CELSR1: variants seen among roughly 807,000 people sequenced by gnomAD.
CELSR1 encodes the protein adhesion G protein-coupled receptor C1.
In CELSR1, 110 loss-of-function variants were observed where a neutral mutation model predicts 249.1. That is an observed-to-expected ratio of 0.44 (90% CI 0.38 to 0.52). CELSR1 has a LOEUF of 0.52. Ranked by LOEUF, CELSR1 falls within the 20% of genes least tolerant of loss-of-function variation. CELSR1 has a pLI of 0.00. For synonymous variants in CELSR1, 2,113 were observed against 1,900.0 expected (o/e 1.11, Z -2.92); for missense variants, 4,109 against 4,296.4 (o/e 0.96, Z 1.22).
At chr22:46,474,130 G>A (rs2080183196) in intron 1 of CELSR1, among the ~76,000 whole-genome samples, 1 of 152,190 alleles carries the variant, frequency 6.6e-6, no homozygotes, top group African/African-American at 2.4e-5. Flanking sequence ...CGATGCCTCG[G>A]GAACAAAGTC....
At chr22:46,478,443 T>C (rs1336967105) in intron 1 of CELSR1, among the ~76,000 whole-genome samples, 1 of 152,120 alleles carries the variant, frequency 6.6e-6, no homozygotes, top group Non-Finnish European at 1.5e-5. Flanking sequence ...AGCATGACAA[T>C]GCGGCCCTGA....
chr22:46,369,691 C>A lies in CELSR1; in HGVS notation c.7872+1G>T. On this transcript the variant is annotated splice_donor_variant, in intron 26 of 34. Transcript: ENST00000674500. LOFTEE classifies it high-confidence loss of function. The stretch of plus-strand genomic sequence containing the variant: ...GACTCCCGTGAAGGCCCCACACTCA[C>A]GATTATAACAGCTCCGATGGGCCCC... The A allele has an allele frequency of 6.2e-7, 1 of 1,613,032 alleles. No individual in the cohort carries two copies. Among genetic ancestry groups the A allele is most frequent in the Non-Finnish European group, 8.5e-7 (1 of 1,179,612 alleles).
intron 2 of CELSR1, among the ~76,000 whole-genome samples, chr22:46,439,814 T>C (rs1488807651): frequency 6.6e-6 from 1 of 152,072 alleles, no homozygotes; most frequent in African/African-American, 2.4e-5. Context: ...CCCACACCTA[T>C]GCCCGTGCCA....
chr22:46,516,734 G>A (rs890578240), intron 1 of CELSR1, among the ~76,000 whole-genome samples: 11 of 152,004 alleles, frequency 7.2e-5, no homozygotes, highest in East Asian at 1.9e-4. Flanking sequence ...CCGGCCCAAC[G>A]GACCACAAAG....
At chr22:46,457,591 T>C (rs750932652) in intron 2 of CELSR1, among the ~76,000 whole-genome samples, 3 of 152,052 alleles carry the variant, frequency 2.0e-5, no homozygotes, top group Non-Finnish European at 2.9e-5. Flanking sequence ...ATGCGCCCCA[T>C]GGGAAGACGA....
chr22:46,369,165 T>G lies in CELSR1; in HGVS notation c.7952+14A>C. 1 of 1,613,414 alleles carries G rather than the reference T, an allele frequency of 6.2e-7. No homozygotes were observed. The highest frequency in any genetic ancestry group is 2.2e-5 in the East Asian group (1 of 44,866). On this transcript the variant is annotated intron_variant, in intron 27 of 34. Coordinates refer to ENST00000674500, the MANE Select transcript of CELSR1 (RefSeq NM_001378328.1). The stretch of plus-strand genomic sequence containing the variant: ...AGCCGACATGGCTGGCCGGTCAGGT[T>G]CAGCCCCACTTACACGATCCCTTTT...
At chr22:46,461,008 G>A (rs1468337950) in intron 2 of CELSR1, among the ~76,000 whole-genome samples, 3 of 152,190 alleles carry the variant, frequency 2.0e-5, no homozygotes, top group Non-Finnish European at 4.4e-5. Context: ...AGCCACTTGG[G>A]CCGATTCCAA....
In CELSR1 at chr22:46,364,637, T is replaced by C. The variant is rs767807895; in HGVS notation, c.8654A>G (p.Glu2885Gly). ...DPSGKPRLKVETKVSVELHRE... is the reference protein window; with the variant it reads ...DPSGKPRLKVGTKVSVELHRE... ...GTGCAGCTCCACGCTGACCTTGGTC[T>C]CCACCTTCAGGCGGGGCTTGCCGCT... The change falls in exon 33 of 35, where the codon GAG becomes GGG. Residue 2885 changes from glutamate (E) to glycine (G), a missense_variant. Coordinates refer to ENST00000674500, the MANE Select transcript of CELSR1 (RefSeq NM_001378328.1). 4.5e-5 allele frequency: 73 copies of C among 1,612,580 alleles called. No individual in the cohort carries two copies. Among genetic ancestry groups the C allele is most frequent in the Non-Finnish European group, 5.7e-5 (67 of 1,179,922 alleles).
In CELSR1 at chr22:46,464,606, G is replaced by A. The variant is rs923928145; in HGVS notation, c.3545-261C>T. Among the ~76,000 whole-genome samples, 4 of 151,794 alleles carry A rather than the reference G, an allele frequency of 2.6e-5. No individual in the cohort carries two copies. Among genetic ancestry groups the A allele is most frequent in the South Asian group, 2.1e-4 (1 of 4,802 alleles). On this transcript the variant is annotated intron_variant, in intron 1 of 34. Transcript: ENST00000674500. This position sits in a 1 kb window ranked among gnomAD's most constrained non-coding sequence, Gnocchi z 8.5. ...CCCTGGCTTCCTAAAGCACAGCTCC[G>A]ATCACATCTTTCTCTGGCTCCGAAT...
In CELSR1 at chr22:46,433,468, C is replaced by A. The variant is rs202017473; in HGVS notation, c.4536G>T (p.Thr1512=). 2 of 1,613,902 alleles carry A rather than the reference C, an allele frequency of 1.2e-6. No individual in the cohort carries two copies. The highest frequency in any genetic ancestry group is 1.1e-5 in the South Asian group (1 of 91,038). The change falls in exon 5 of 35, where the codon ACG becomes ACT. Residue 1512 remains threonine, a synonymous_variant. Transcript: ENST00000674500. This position sits in a 1 kb window ranked among gnomAD's most constrained non-coding sequence, Gnocchi z 5.7. ...CACTGGGAACCTTCGGTGCCACGGT[C>A]GTTGTTGTCTCGCCTGCATGGTGGG... is the stretch of plus-strand genomic sequence containing the variant. ...QLTFSAGETT[T]TVAPKVPSGV...
At chr22:46,491,194 C>CAT (rs57470786) in intron 1 of CELSR1, among the ~76,000 whole-genome samples, 83,428 of 150,744 alleles carry the variant, frequency 0.55, 24,183 homozygotes, top group African/African-American at 0.73. Context: ...GACATGGCCA[C>CAT]GTCTCCTAGG....
chr22:46,480,398 C>T (rs5768808), intron 1 of CELSR1, among the ~76,000 whole-genome samples: 1 of 152,188 alleles, frequency 6.6e-6, no homozygotes, highest in African/African-American at 2.4e-5. Flanking sequence ...TTTCAAAGTT[C>T]TTATCCAAAT....
Position 46,436,394 on chromosome 22 carries a change from G to T in CELSR1, c.4407-105C>A. 1 of 720,028 alleles carries T rather than the reference G, an allele frequency of 1.4e-6. No individual in the cohort carries two copies. The allele number at this position is 720,028 out of a possible 1,614,324, so 44.6% of individuals were successfully genotyped here. A position where few individuals can be genotyped will look rare whatever the true frequency, so the allele number is the denominator to read the frequency against. On this transcript the variant is annotated intron_variant, in intron 3 of 34. Transcript: ENST00000674500. This position sits in a 1 kb window ranked among gnomAD's most constrained non-coding sequence, Gnocchi z 5.9. ...GAGGAGGGCAAGCACGTGGGGCTAC[G>T]ATTCAGGAAAGAATGGTGTCAGGCA...
chr22:46,472,063 G>T lies in CELSR1; in HGVS notation c.3545-7718C>A, dbSNP rs1376476992. 2.6e-5 allele frequency among the ~76,000 whole-genome samples: 4 copies of T among 152,164 alleles called. No individual in the cohort carries two copies. ...TCCAGGCATTCCTCCCAGGCCTGGAGCGGCTCCGCGGCACCTCAAAAGCGA... is the reference window on the plus strand; with the variant it reads ...TCCAGGCATTCCTCCCAGGCCTGGATCGGCTCCGCGGCACCTCAAAAGCGA... On this transcript the variant is annotated intron_variant, in intron 1 of 34. Coordinates refer to ENST00000674500, the MANE Select transcript of CELSR1 (RefSeq NM_001378328.1). This position sits in a 1 kb window ranked among gnomAD's most constrained non-coding sequence, Gnocchi z 7.0.
Position 46,363,562 on chromosome 22 carries a change from T to C in CELSR1, c.9036-315A>G, listed in dbSNP as rs1452799100. 2.9e-6 allele frequency: 1 copy of C among 345,136 alleles called. No individual in the cohort carries two copies. 21.4% of individuals were successfully genotyped at this position (345,136 alleles called of 1,614,324 possible). A position where few individuals can be genotyped will look rare whatever the true frequency, so the allele number is the denominator to read the frequency against. On this transcript the variant is annotated intron_variant, in intron 34 of 34. Coordinates refer to ENST00000674500, the MANE Select transcript of CELSR1 (RefSeq NM_001378328.1). The surrounding 1 kb of genome is among the most constrained non-coding windows in gnomAD (Gnocchi z 4.3). ...AGACCTGGCTTCTCCCTTGTGAGTT[T>C]GGAGGGAGGGAGGGGCGACAGGGAG...
Position 46,374,316 on chromosome 22 carries a change from AC to A in CELSR1, c.7585-1260del, listed in dbSNP as rs2078893947. Among the ~76,000 whole-genome samples the A allele has an allele frequency of 2.0e-5, 3 of 152,310 alleles. No individual in the cohort carries two copies. Among genetic ancestry groups the A allele is most frequent in the African/African-American group, 7.2e-5 (3 of 41,562 alleles). ...AAACCCACGAAACCACCTTTTGAAA[AC>A]AAAGTGCGAGGGCTGTGCCATCCTG... is the stretch of plus-strand genomic sequence containing the variant. On this transcript the variant is annotated intron_variant, in intron 24 of 34. Transcript: ENST00000674500. The surrounding 1 kb of genome is among the most constrained non-coding windows in gnomAD (Gnocchi z 4.3).
rs183072574 is a variant in CELSR1 at position 46,488,234 on chromosome 22, T to C, written c.3545-23889A>G. Among the ~76,000 whole-genome samples, 259 of 152,026 alleles carry C rather than the reference T, an allele frequency of 1.7e-3. 3 individuals carry two copies. Among genetic ancestry groups the C allele is most frequent in the African/African-American group, 4.8e-3 (200 of 41,442 alleles). The stretch of plus-strand genomic sequence containing the variant: ...CATCCTATTGTCTCACTGAAACTCA[T>C]GACAGTGGGAGGTGAAGGTGACCCC... On this transcript the variant is annotated intron_variant, in intron 1 of 34. Coordinates refer to ENST00000674500, the MANE Select transcript of CELSR1 (RefSeq NM_001378328.1). The surrounding 1 kb of genome is among the most constrained non-coding windows in gnomAD (Gnocchi z 4.7).
intron 25 of CELSR1, among the ~76,000 whole-genome samples, chr22:46,370,802 C>T (rs988939361): frequency 2.0e-5 from 3 of 152,230 alleles, no homozygotes; most frequent in African/African-American, 7.2e-5. Flanking sequence ...GAGGCAGCAG[C>T]CAGTGACCAG....
rs914271721 is a variant in CELSR1 at position 46,367,770 on chromosome 22, G to T, written c.8038C>A (p.Leu2680Met). 1 of 1,609,910 alleles carries T rather than the reference G, an allele frequency of 6.2e-7. No homozygotes were observed. Among genetic ancestry groups the T allele is most frequent in the Non-Finnish European group, 8.5e-7 (1 of 1,179,026 alleles). The change falls in exon 28 of 35, where the codon CTG (leucine) becomes ATG (methionine). Residue 2680 changes from leucine to methionine, a missense_variant. By Grantham distance (15) the Leu-to-Met change is conservative. Coordinates refer to ENST00000674500, the MANE Select transcript of CELSR1 (RefSeq NM_001378328.1). Reference protein sequence around the residue: ...LGLLAVNRDALSFHYLFAIFS... With the variant: ...LGLLAVNRDAMSFHYLFAIFS... ...ATGGCGAAGAGGTAGTGAAAGCTCA[G>T]TGCATCGCGGTTCACAGCCAGCAGC...
Sources: gnomAD v4.1 joint callset for allele counts (sites outside exome capture counted in the v4.1 genomes callset) on GRCh38, gnomAD v4.1.1 for gene constraint, Gnocchi (gnomAD v3.1) non-coding constraint, MANE v1.5 for transcripts, NCBI Gene and HGNC (gene_info 2026-07-23, HGNC 2026-07-21) for gene names.